RERE: variants seen among roughly 807,000 people sequenced by gnomAD.
RERE encodes the protein arginine-glutamic acid dipeptide repeats protein.
Under a neutral mutation model 146.1 loss-of-function variants are expected in RERE, and 40 were observed. The observed-to-expected ratio is 0.27, with a 90% confidence interval of 0.21 to 0.36. The LOEUF (loss-of-function observed/expected upper bound fraction) is 0.36. Among genes scored for constraint, RERE ranks in the 10% least tolerant of loss-of-function variants. The pLI is 1.00. For synonymous variants in RERE, 1,003 were observed against 866.0 expected (o/e 1.16, Z -2.78); for missense variants, 1,933 against 2,138.7 (o/e 0.90, Z 1.90).
intron 11 of RERE, among the ~76,000 whole-genome samples, chr1:8,449,997 G>A (rs1644371330): frequency 1.3e-5 from 2 of 152,060 alleles, no homozygotes; most frequent in Non-Finnish European, 2.9e-5. Context: ...TCCTCCTCAT[G>A]GCATCTACCT....
intron 12 of RERE, among the ~76,000 whole-genome samples, chr1:8,387,262 T>C (rs550055815): frequency 6.6e-6 from 1 of 152,306 alleles, no homozygotes; most frequent in Non-Finnish European, 1.5e-5. Flanking sequence ...GGACACCTGG[T>C]GATGTATTAC....
chr1:8,369,823 T>A (rs1184714511), intron 12 of RERE, among the ~76,000 whole-genome samples: 1 of 152,148 alleles, frequency 6.6e-6, no homozygotes, highest in Non-Finnish European at 1.5e-5. Context: ...GGAGTCTTGC[T>A]CTGTCTCCCA....
intron 1 of RERE, among the ~76,000 whole-genome samples, chr1:8,761,665 C>A (rs184618500): frequency 7.9e-4 from 121 of 152,312 alleles, no homozygotes; most frequent in African/African-American, 2.9e-3. Flanking sequence ...TGCCTGTAAT[C>A]CCAGCATTTT....
At chr1:8,783,221 T>C (rs1352747187) in intron 1 of RERE, among the ~76,000 whole-genome samples, 1 of 151,820 alleles carries the variant, frequency 6.6e-6, no homozygotes, top group Non-Finnish European at 1.5e-5. Flanking sequence ...TATATTCCCA[T>C]CTACTTGGGA....
chr1:8,608,630 C>G (rs909704629), intron 4 of RERE, among the ~76,000 whole-genome samples: 1 of 152,166 alleles, frequency 6.6e-6, no homozygotes, highest in African/African-American at 2.4e-5. Context: ...CTCAATAAAA[C>G]TTGCAAAGGA....
At chr1:8,619,193 G>A (rs116765664) in intron 3 of RERE, among the ~76,000 whole-genome samples, 134 of 152,310 alleles carry the variant, frequency 8.8e-4, no homozygotes, top group African/African-American at 3.2e-3. Context: ...AAAGTAGGCT[G>A]TTAGGGACAC....
rs981099945 is a variant in RERE at position 8,423,748 on chromosome 1, G to A, written c.1204-941C>T. 2.7e-5 allele frequency: 26 copies of A among 949,248 alleles called. No individual in the cohort carries two copies. Among genetic ancestry groups the A allele is most frequent in the Non-Finnish European group, 3.3e-5 (26 of 799,924 alleles). The allele number at this position is 949,248 out of a possible 1,614,324, so 58.8% of individuals were successfully genotyped here. Reference sequence around the variant, plus strand: ...CCGCGCGGCGCGGGGCCCGGGGGGCGCGGGGCTGGGGCCGCCGCTGACGGG... The same window carrying A: ...CCGCGCGGCGCGGGGCCCGGGGGGCACGGGGCTGGGGCCGCCGCTGACGGG... On this transcript the variant is annotated intron_variant, in intron 11 of 22. Transcript: ENST00000400908. This position sits in a 1 kb window ranked among gnomAD's most constrained non-coding sequence, Gnocchi z 5.4.
intron 10 of RERE, among the ~76,000 whole-genome samples, chr1:8,494,693 C>T (rs781174847): frequency 2.0e-5 from 3 of 151,644 alleles, no homozygotes; most frequent in African/African-American, 4.8e-5. Context: ...ACTGCCAGAG[C>T]GAGACTCCAT....
At chr1:8,490,180 G>A (rs1644961655) in intron 10 of RERE, among the ~76,000 whole-genome samples, 1 of 151,802 alleles carries the variant, frequency 6.6e-6, no homozygotes, top group African/African-American at 2.4e-5. Context: ...GGCCAACGTG[G>A]TGAAATCCTG....
At chr1:8,542,277 AG>A (rs1232391991) in intron 6 of RERE, among the ~76,000 whole-genome samples, 1 of 152,152 alleles carries the variant, frequency 6.6e-6, no homozygotes, top group Non-Finnish European at 1.5e-5. Flanking sequence ...GAGGACCAAA[AG>A]TTCCCATTTC....
intron 4 of RERE, among the ~76,000 whole-genome samples, chr1:8,562,717 C>A (rs1183488414): frequency 3.3e-5 from 5 of 152,162 alleles, no homozygotes; most frequent in Non-Finnish European, 7.4e-5. Flanking sequence ...ATCCAATCTG[C>A]TTAACAATAA....
chr1:8,673,160 A>C (rs1162148791), intron 1 of RERE, among the ~76,000 whole-genome samples: 1 of 152,168 alleles, frequency 6.6e-6, no homozygotes, highest in Non-Finnish European at 1.5e-5. Context: ...CAATGGCACG[A>C]TCTCAGCTCA....
chr1:8,762,739 G>A (rs1406020558), intron 1 of RERE, among the ~76,000 whole-genome samples: 1 of 152,100 alleles, frequency 6.6e-6, no homozygotes, highest in Non-Finnish European at 1.5e-5. Context: ...GTTTAAAACA[G>A]CCTCCTTATT....
chr1:8,415,361 C>T (rs958931238), intron 12 of RERE, among the ~76,000 whole-genome samples: 1 of 152,166 alleles, frequency 6.6e-6, no homozygotes, highest in Non-Finnish European at 1.5e-5. Context: ...AAGACACAGC[C>T]AAATCATAAG....
chr1:8,449,069 TG>T (rs1227234061), intron 11 of RERE, among the ~76,000 whole-genome samples: 1 of 152,130 alleles, frequency 6.6e-6, no homozygotes, highest in East Asian at 1.9e-4. Flanking sequence ...CCCAGGCTGG[TG>T]GAAGATCAGG....
chr1:8,778,174 T>A (rs1195162324), intron 1 of RERE, among the ~76,000 whole-genome samples: 1 of 152,174 alleles, frequency 6.6e-6, no homozygotes, highest in African/African-American at 2.4e-5. Flanking sequence ...AGACAGTGAG[T>A]TAAAGTATCA....
At position 8,554,293 on chromosome 1, in the gene RERE, T is replaced by C. The variant is rs377170941; in HGVS notation, c.725+2182A>G. ...GAATACAGTTACATATCTCACATAT[T>C]TGTTCAACTGAAACTCTAAATCGAT... is the stretch of plus-strand genomic sequence containing the variant. On this transcript the variant is annotated intron_variant, in intron 6 of 22. Transcript: ENST00000400908. 5.3e-5 allele frequency among the ~76,000 whole-genome samples: 8 copies of C among 152,324 alleles called. 1 individual carries two copies. The East Asian group carries it at 1.5e-3, about 29-fold the overall frequency.
At chr1:8,603,926 G>A (rs1646664896) in intron 4 of RERE, among the ~76,000 whole-genome samples, 1 of 109,050 alleles carries the variant, frequency 9.2e-6, no homozygotes, top group African/African-American at 3.8e-5. Context: ...GTGACAAAGC[G>A]AGACCCTGTC....
At chr1:8,435,118 C>T (rs1313889805) in intron 11 of RERE, among the ~76,000 whole-genome samples, 1 of 152,244 alleles carries the variant, frequency 6.6e-6, no homozygotes, top group Non-Finnish European at 1.5e-5. Context: ...ACCTGTTAGT[C>T]ACTATTAATT....
Sources: gnomAD v4.1 joint callset for allele counts (sites outside exome capture counted in the v4.1 genomes callset) on GRCh38, gnomAD v4.1.1 for gene constraint, Gnocchi (gnomAD v3.1) non-coding constraint, MANE v1.5 for transcripts, NCBI Gene and HGNC (gene_info 2026-07-23, HGNC 2026-07-21) for gene names.